The following PIP5K1B variants were observed in gnomAD, a reference collection of about 807,000 sequenced individuals.
The protein encoded by PIP5K1B is phosphatidylinositol-4-phosphate 5-kinase type 1 beta.
PIP5K1B carries 42 observed loss-of-function variants against 67.0 expected under a neutral mutation model. That is an observed-to-expected ratio of 0.63 (90% CI 0.49 to 0.81). PIP5K1B has a LOEUF of 0.81. PIP5K1B is among the 30% of genes least tolerant of loss of function. The pLI is 0.00. For synonymous variants in PIP5K1B, 214 were observed against 231.4 expected (o/e 0.92, Z 0.68); for missense variants, 459 against 646.3 (o/e 0.71, Z 3.14).
intron 2 of PIP5K1B, among the ~76,000 whole-genome samples, chr9:68,791,294 A>T (rs1831958401): frequency 6.6e-6 from 1 of 152,218 alleles, no homozygotes; most frequent in African/African-American, 2.4e-5. Context: ...AGAACTTGGG[A>T]GTGACAAGTA....
chr9:68,818,765 G>A (rs1279553371), intron 3 of PIP5K1B, among the ~76,000 whole-genome samples: 2 of 152,132 alleles, frequency 1.3e-5, no homozygotes, highest in East Asian at 1.9e-4. Flanking sequence ...CCGAGATGTG[G>A]TCTCTGTTGT....
chr9:68,728,520 T>G (rs1208194812), intron 1 of PIP5K1B, among the ~76,000 whole-genome samples: 1 of 151,908 alleles, frequency 6.6e-6, no homozygotes, highest in Non-Finnish European at 1.5e-5. Flanking sequence ...GCACAAACAT[T>G]CAGTTCATAA....
At chr9:68,884,665 T>TA (rs71353087) in intron 6 of PIP5K1B, among the ~76,000 whole-genome samples, 10,232 of 133,374 alleles carry the variant, frequency 0.077, 862 homozygotes, top group African/African-American at 0.21. Flanking sequence ...ACCTTGTCTT[T>TA]AAAAAAAAAA....
At chr9:68,866,017 CATCTTTG>C (rs1024786568) in intron 5 of PIP5K1B, among the ~76,000 whole-genome samples, 20 of 152,196 alleles carry the variant, frequency 1.3e-4, no homozygotes, top group African/African-American at 4.6e-4. Context: ...TAGCACTTTG[CATCTTTG>C]GCCTTCACTG....
chr9:68,862,764 C>T (rs1365946446), intron 4 of PIP5K1B, among the ~76,000 whole-genome samples: 2 of 151,168 alleles, frequency 1.3e-5, no homozygotes, highest in Non-Finnish European at 2.9e-5. Flanking sequence ...TGCACTCCAG[C>T]CTGGGCGACA....
At chr9:68,852,031 G>C (rs1013835187) in intron 4 of PIP5K1B, among the ~76,000 whole-genome samples, 1 of 152,174 alleles carries the variant, frequency 6.6e-6, no homozygotes, top group Non-Finnish European at 1.5e-5. Flanking sequence ...ATGGACACAG[G>C]GAGGGGAACA....
chr9:68,808,395 A>C (rs1453465092), intron 2 of PIP5K1B, among the ~76,000 whole-genome samples: 3 of 149,232 alleles, frequency 2.0e-5, no homozygotes, highest in East Asian at 2.0e-4. Context: ...ACTCCCCCCG[A>C]CTCCCAGCTT....
intron 8 of PIP5K1B, among the ~76,000 whole-genome samples, chr9:68,916,661 C>G (rs1826109739): frequency 6.6e-6 from 1 of 152,090 alleles, no homozygotes; most frequent in South Asian, 2.1e-4. Context: ...ATCATGGGGT[C>G]ATGGGTTCGA....
intron 1 of PIP5K1B, among the ~76,000 whole-genome samples, chr9:68,740,668 A>T (rs904199392): frequency 6.6e-6 from 1 of 152,246 alleles, no homozygotes; most frequent in Admixed American, 6.5e-5. Context: ...TTTGCATGTC[A>T]TAAAATTATG....
At chr9:68,759,713 A>C (rs1030815382) in intron 2 of PIP5K1B, among the ~76,000 whole-genome samples, 2 of 152,138 alleles carry the variant, frequency 1.3e-5, no homozygotes, top group African/African-American at 4.8e-5. Flanking sequence ...GATGTGCAGT[A>C]AGTATAAACT....
chr9:68,865,523 G>C (rs1823313808), intron 5 of PIP5K1B, among the ~76,000 whole-genome samples: 1 of 152,166 alleles, frequency 6.6e-6, no homozygotes, highest in South Asian at 2.1e-4. Flanking sequence ...GGACTTCTGT[G>C]GGAGTGTGGA....
intron 4 of PIP5K1B, among the ~76,000 whole-genome samples, chr9:68,827,467 A>C (rs1834046527): frequency 6.6e-6 from 1 of 152,220 alleles, no homozygotes; most frequent in Non-Finnish European, 1.5e-5. Flanking sequence ...TTTAAACTTA[A>C]ATAAGCACAC....
chr9:68,855,943 G>C (rs1344914328), intron 4 of PIP5K1B, among the ~76,000 whole-genome samples: 1 of 152,178 alleles, frequency 6.6e-6, no homozygotes, highest in Non-Finnish European at 1.5e-5. Context: ...TACAAGCTCA[G>C]TGGCTTAAAT....
intron 4 of PIP5K1B, among the ~76,000 whole-genome samples, chr9:68,833,636 G>A (rs1302930432): frequency 2.0e-5 from 3 of 151,946 alleles, no homozygotes; most frequent in Non-Finnish European, 4.4e-5. Context: ...CCCTGAGTTA[G>A]AGAAATAGGC....
chr9:68,875,128 C>T (rs1823815975), intron 5 of PIP5K1B, among the ~76,000 whole-genome samples: 1 of 151,656 alleles, frequency 6.6e-6, no homozygotes, highest in South Asian at 2.1e-4. Flanking sequence ...GGGGGTCATT[C>T]CTTACTATGT....
At chr9:68,738,355 G>A (rs1050297243) in intron 1 of PIP5K1B, among the ~76,000 whole-genome samples, 1 of 152,196 alleles carries the variant, frequency 6.6e-6, no homozygotes, top group Non-Finnish European at 1.5e-5. Context: ...AGTAACACTT[G>A]TATAGTGAAA....
intron 6 of PIP5K1B, among the ~76,000 whole-genome samples, chr9:68,887,840 T>C (rs1824557083): frequency 6.6e-6 from 1 of 151,988 alleles, no homozygotes; most frequent in East Asian, 1.9e-4. Context: ...ATAAGGCAAA[T>C]AATGCTTCCA....
rs925780239 is a variant in PIP5K1B at position 68,988,743 on chromosome 9, G to A, written c.1503-2397G>A. ...TGGGATTATAGGCGTGAGCCACCGC[G>A]CCCAGCCTCTTTATGACTTTTGTAA... On this transcript the variant is annotated intron_variant, in intron 14 of 15. Transcript: ENST00000265382. Among the ~76,000 whole-genome samples the A allele has an allele frequency of 6.6e-5, 10 of 151,868 alleles. 1 individual carries two copies. Among genetic ancestry groups the A allele is most frequent in the Admixed American group, 4.6e-4 (7 of 15,260 alleles).
intron 11 of PIP5K1B, among the ~76,000 whole-genome samples, chr9:68,922,998 G>A (rs1018547976): frequency 6.6e-6 from 1 of 152,140 alleles, no homozygotes. Context: ...AACTCCTCCT[G>A]GGACACAATG....
Sources: allele counts gnomAD v4.1 joint callset (sites outside exome capture counted in the v4.1 genomes callset), GRCh38; gene constraint gnomAD v4.1.1; transcripts MANE v1.5; gene names NCBI Gene and HGNC (gene_info 2026-07-23, HGNC 2026-07-21).